AFG1L: variants seen among roughly 807,000 people sequenced by gnomAD.
The protein encoded by AFG1L is AFG1-like ATPase.
In AFG1L, 53 loss-of-function variants were observed where a neutral mutation model predicts 62.2. That is an observed-to-expected ratio of 0.85 (90% CI 0.68 to 1.07). The LOEUF (loss-of-function observed/expected upper bound fraction) is 1.07, where lower values mean the gene tolerates loss of function less well. AFG1L is among the 50% of genes least tolerant of loss of function. The pLI, the probability that AFG1L is intolerant of heterozygous loss-of-function variation, is 0.00. For missense variants in AFG1L, 555 were observed against 590.5 expected (o/e 0.94, Z 0.62); for synonymous variants, 228 against 210.3 (o/e 1.08, Z -0.73).
At chr6:108,392,442 G>A (rs1781099470) in intron 6 of AFG1L, among the ~76,000 whole-genome samples, 1 of 152,140 alleles carries the variant, frequency 6.6e-6, no homozygotes, top group African/African-American at 2.4e-5. Context: ...TGTGTACAGT[G>A]CCTGGCAAAT....
chr6:108,319,292 G>A (rs1328280151), intron 1 of AFG1L, among the ~76,000 whole-genome samples: 1 of 152,102 alleles, frequency 6.6e-6, no homozygotes, highest in African/African-American at 2.4e-5. Context: ...CCAGACAGGA[G>A]TGCAGTAGCA....
intron 8 of AFG1L, among the ~76,000 whole-genome samples, chr6:108,466,498 A>G (rs1378635848): frequency 6.6e-6 from 1 of 152,050 alleles, no homozygotes; most frequent in Non-Finnish European, 1.5e-5. Flanking sequence ...GAGGTACCTA[A>G]GATTAACTGA....
intron 8 of AFG1L, among the ~76,000 whole-genome samples, chr6:108,460,271 GA>G (rs1427112511): frequency 6.6e-6 from 1 of 152,074 alleles, no homozygotes; most frequent in Non-Finnish European, 1.5e-5. Flanking sequence ...AAGAGAGAGA[GA>G]TGGATAGGGA....
intron 6 of AFG1L, among the ~76,000 whole-genome samples, chr6:108,384,655 A>G (rs1215975619): frequency 1.3e-5 from 2 of 152,228 alleles, no homozygotes; most frequent in Admixed American, 1.3e-4. Context: ...GCAGACAACT[A>G]TTATAAAGCA....
intron 6 of AFG1L, among the ~76,000 whole-genome samples, chr6:108,378,033 CT>C (rs1312888746): frequency 3.5e-3 from 469 of 134,430 alleles, no homozygotes; most frequent in African/African-American, 8.1e-3. Context: ...AAAAATTCTT[CT>C]TTTTTTTTTT....
chr6:108,334,946 T>C (rs1471285862), intron 2 of AFG1L, among the ~76,000 whole-genome samples: 2 of 152,150 alleles, frequency 1.3e-5, no homozygotes, highest in Non-Finnish European at 2.9e-5. Flanking sequence ...TCACCTCACA[T>C]TGCCTGCTTG....
intron 8 of AFG1L, among the ~76,000 whole-genome samples, chr6:108,458,004 A>G (rs1772317783): frequency 6.6e-6 from 1 of 151,826 alleles, no homozygotes; most frequent in African/African-American, 2.4e-5. Flanking sequence ...TTCTCATGAA[A>G]AGTCTACTGG....
intron 8 of AFG1L, among the ~76,000 whole-genome samples, chr6:108,462,517 A>G (rs979508812): frequency 2.0e-5 from 3 of 152,216 alleles, no homozygotes; most frequent in South Asian, 2.1e-4. Context: ...AAACTACTGA[A>G]CTAGAAATTA....
chr6:108,394,454 GT>G (rs1562129963), intron 6 of AFG1L, among the ~76,000 whole-genome samples: 3 of 130,532 alleles, frequency 2.3e-5, no homozygotes, highest in African/African-American at 7.8e-5. Flanking sequence ...CGGCCTTGCC[GT>G]TTTTTTTATC....
chr6:108,306,134 C>T (rs1777189252), intron 1 of AFG1L, among the ~76,000 whole-genome samples: 1 of 152,194 alleles, frequency 6.6e-6, no homozygotes, highest in African/African-American at 2.4e-5. Flanking sequence ...GAACTCCTGA[C>T]TTCAGGTTAT....
intron 5 of AFG1L, chr6:108,359,528 T>C (rs970599716): frequency 6.6e-6 from 1 of 152,238 alleles, no homozygotes; most frequent in Admixed American, 6.5e-5. Context: ...CATTGACTTA[T>C]TCATCTCAAG....
At chr6:108,387,279 C>T (rs921942040) in intron 6 of AFG1L, among the ~76,000 whole-genome samples, 1 of 152,246 alleles carries the variant, frequency 6.6e-6, no homozygotes, top group Non-Finnish European at 1.5e-5. Context: ...CCCAGGGTGG[C>T]TTCCCAAGGT....
intron 10 of AFG1L, among the ~76,000 whole-genome samples, chr6:108,486,774 A>G (rs1929091): frequency 0.67 from 102,043 of 151,946 alleles, 36,219 homozygotes; most frequent in African/African-American, 0.92. Context: ...GCATGATCTT[A>G]GCTCACTGCA....
intron 6 of AFG1L, among the ~76,000 whole-genome samples, chr6:108,369,658 G>A (rs971331286): frequency 2.0e-5 from 3 of 151,686 alleles, no homozygotes; most frequent in Non-Finnish European, 4.4e-5. Flanking sequence ...CGCCCAGACT[G>A]GGGTGCAGTG....
At chr6:108,316,451 TACTC>T (rs947229039) in intron 1 of AFG1L, among the ~76,000 whole-genome samples, 69 of 146,302 alleles carry the variant, frequency 4.7e-4, no homozygotes, top group Non-Finnish European at 6.1e-4. Context: ...AGATTAAACA[TACTC>T]ACACATAATT....
intron 6 of AFG1L, among the ~76,000 whole-genome samples, chr6:108,390,198 T>A (rs1297336554): frequency 6.6e-6 from 1 of 152,236 alleles, no homozygotes; most frequent in Non-Finnish European, 1.5e-5. Context: ...GTAGTTCTCA[T>A]GCCATGATTT....
At chr6:108,488,369 T>C (rs1218527563) in intron 10 of AFG1L, among the ~76,000 whole-genome samples, 2 of 152,136 alleles carry the variant, frequency 1.3e-5, no homozygotes, top group East Asian at 3.8e-4. Flanking sequence ...ACAGGATCAG[T>C]ATGACCAGAA....
intron 10 of AFG1L, among the ~76,000 whole-genome samples, chr6:108,504,118 G>A (rs186742910): frequency 1.6e-4 from 24 of 152,312 alleles, no homozygotes; most frequent in African/African-American, 5.5e-4. Context: ...CTTTCTTATA[G>A]TTTGTGTGTT....
intron 7 of AFG1L, among the ~76,000 whole-genome samples, chr6:108,437,367 T>C (rs981963496): frequency 4.6e-5 from 7 of 152,186 alleles, no homozygotes; most frequent in Non-Finnish European, 2.9e-5. Flanking sequence ...ACTTTTCATT[T>C]TGGCACCTCT....
Sources: gnomAD v4.1 joint callset for allele counts (sites outside exome capture counted in the v4.1 genomes callset) on GRCh38, gnomAD v4.1.1 for gene constraint, MANE v1.5 for transcripts, NCBI Gene and HGNC (gene_info 2026-07-23, HGNC 2026-07-21) for gene names.